Variants in PHF21B observed in about 807,000 individuals in gnomAD.
PHF21B encodes PHD finger protein 4.
PHF21B carries 22 observed loss-of-function variants against 62.2 expected under a neutral mutation model. That is an observed-to-expected ratio of 0.35 (90% CI 0.25 to 0.51). The LOEUF (loss-of-function observed/expected upper bound fraction) is 0.51. Among genes scored for constraint, PHF21B ranks in the 20% least tolerant of loss-of-function variants. The pLI is 0.97. For missense variants in PHF21B, 701 were observed against 707.9 expected, an observed-to-expected ratio of 0.99 and a Z score of 0.11; for synonymous variants, 341 against 314.7, an observed-to-expected ratio of 1.08 and a Z score of -0.88.
chr22:44,967,706 T>G (rs1477989282), intron 2 of PHF21B, among the ~76,000 whole-genome samples: 1 of 152,222 alleles, frequency 6.6e-6, no homozygotes, highest in Non-Finnish European at 1.5e-5. Flanking sequence ...GTTTGTTAAC[T>G]GAAGTCCACA....
At chr22:44,913,713 G>T (rs900852068) in intron 5 of PHF21B, 109 bp downstream of exon 5, 1 of 1,420,102 alleles carries the variant, frequency 7.0e-7, no homozygotes, top group East Asian at 2.4e-5. Flanking sequence ...CTGTGCCCAC[G>T]GCTTGTCGGG....
rs145093506 is a variant in PHF21B at position 44,941,732 on chromosome 22, G to A, written c.121-21242C>T. Among the ~76,000 whole-genome samples the A allele has an allele frequency of 3.0e-3, 450 of 152,256 alleles. 3 individuals are homozygous for A. The highest frequency in any genetic ancestry group is 0.01 in the African/African-American group (427 of 41,558). On this transcript the variant is annotated intron_variant, in intron 2 of 12. Coordinates refer to ENST00000313237, the MANE Select transcript of PHF21B (RefSeq NM_138415.5). ...TAGATGCTGGGCAGGGGGATACGGCGGCAGGGCCTTCATTCTGGTCAGGAA... is the reference window on the plus strand; with the variant it reads ...TAGATGCTGGGCAGGGGGATACGGCAGCAGGGCCTTCATTCTGGTCAGGAA...
chr22:44,926,827 G>A (rs1008559633), intron 2 of PHF21B, among the ~76,000 whole-genome samples: 3 of 152,192 alleles, frequency 2.0e-5, no homozygotes, highest in East Asian at 3.9e-4. Flanking sequence ...GTCTGTATCC[G>A]GGTGTTGCCA....
intron 6 of PHF21B, among the ~76,000 whole-genome samples, chr22:44,893,996 G>A (rs535322901): frequency 2.6e-5 from 4 of 152,352 alleles, no homozygotes; most frequent in Admixed American, 6.5e-5. Flanking sequence ...GGAATCCTTC[G>A]CATGCGAGCG....
intron 2 of PHF21B, among the ~76,000 whole-genome samples, chr22:44,947,799 G>A (rs1173351887): frequency 1.3e-5 from 2 of 152,140 alleles, no homozygotes; most frequent in African/African-American, 4.8e-5. Context: ...ATATGTTTCA[G>A]TTTGTCACTT....
At chr22:44,935,659 C>T (rs898036420) in intron 2 of PHF21B, among the ~76,000 whole-genome samples, 2 of 152,020 alleles carry the variant, frequency 1.3e-5, no homozygotes, top group African/African-American at 4.8e-5. Context: ...ACATGGCTCA[C>T]ACCTGGCACC....
intron 2 of PHF21B, among the ~76,000 whole-genome samples, chr22:44,924,485 G>C (rs915096209): frequency 1.2e-4 from 18 of 152,230 alleles, no homozygotes; most frequent in African/African-American, 3.9e-4. Flanking sequence ...CCTCCGGGAG[G>C]TGATCCGGTC....
intron 5 of PHF21B, among the ~76,000 whole-genome samples, chr22:44,896,779 T>C (rs986890634): frequency 9.2e-5 from 14 of 152,188 alleles, no homozygotes; most frequent in Non-Finnish European, 1.9e-4. Context: ...TCCAGTTTTG[T>C]AATGACCTTC....
chr22:44,886,000 C>T (rs2070850903), intron 10 of PHF21B, 62 bp from the exon 11 acceptor site: 1 of 1,523,270 alleles, frequency 6.6e-7, no homozygotes, highest in Non-Finnish European at 9.0e-7. Flanking sequence ...GGACTGTCCA[C>T]ACCCTGGCTG....
At chr22:44,942,444 A>G (rs2071976904) in intron 2 of PHF21B, among the ~76,000 whole-genome samples, 2 of 152,180 alleles carry the variant, frequency 1.3e-5, no homozygotes, top group South Asian at 4.1e-4. Context: ...TCAGTCCCAG[A>G]CTTCATCCCC....
intron 2 of PHF21B, among the ~76,000 whole-genome samples, chr22:44,962,050 G>A (rs2072434661): frequency 6.6e-6 from 1 of 151,772 alleles, no homozygotes; most frequent in Admixed American, 6.6e-5. Flanking sequence ...CTTTGCTATT[G>A]TGAGTAATGC....
At chr22:44,940,763 C>G (rs961263971) in intron 2 of PHF21B, among the ~76,000 whole-genome samples, 2 of 152,178 alleles carry the variant, frequency 1.3e-5, no homozygotes, top group Admixed American at 6.5e-5. Context: ...CTTCCAGAGC[C>G]CCGGTCAGCT....
At chr22:44,953,299 C>T (rs1359156099) in intron 2 of PHF21B, among the ~76,000 whole-genome samples, 3 of 152,130 alleles carry the variant, frequency 2.0e-5, no homozygotes, top group Non-Finnish European at 4.4e-5. Context: ...ACCCATTTGA[C>T]GCATCACACT....
chr22:44,931,640 T>TGG lies in PHF21B; in HGVS notation c.121-11152_121-11151dup, dbSNP rs136690. Among the ~76,000 whole-genome samples the TGG allele has an allele frequency of 5.8e-3, 315 of 54,560 alleles. 3 individuals carry two copies. The highest frequency in any genetic ancestry group is 0.013 in the African/African-American group (280 of 21,406). 35.8% of individuals were successfully genotyped at this position (54,560 alleles called of 152,430 possible). A position where few individuals can be genotyped will look rare whatever the true frequency, so the allele number is the denominator to read the frequency against. On this transcript the variant is annotated intron_variant, in intron 2 of 12. Transcript: ENST00000313237. The stretch of plus-strand genomic sequence containing the variant: ...AACTAAGGATTGGGGGTTGTGATCT[T>TGG]GGGGGGGGGGTGTCAAAAAATGGTT...
chr22:44,924,479 C>T (rs910322073), intron 2 of PHF21B, among the ~76,000 whole-genome samples: 4 of 152,150 alleles, frequency 2.6e-5, no homozygotes, highest in Non-Finnish European at 4.4e-5. Context: ...ATGGGGCCTC[C>T]GGGAGGTGAT....
chr22:44,992,550 G>C (rs1371814689), intron 2 of PHF21B, among the ~76,000 whole-genome samples: 1 of 152,234 alleles, frequency 6.6e-6, no homozygotes, highest in Non-Finnish European at 1.5e-5. Flanking sequence ...GAGCGGAGGC[G>C]AGGTGTGTCT....
In PHF21B at chr22:44,883,194, C is replaced by T; in HGVS notation, c.1488G>A (p.Gln496=). Residue 496 remains glutamine (Q), a synonymous_variant, in exon 13 of 13, where the codon CAG becomes CAA. Coordinates refer to ENST00000313237, the MANE Select transcript of PHF21B (RefSeq NM_138415.5). The part of the protein sequence containing the change: ...LRLIQGEQLL[Q]VTMTTTSPAP... Reference sequence around the variant, plus strand: ...CAGGGCTAGTGGTCGTCATGGTGACCTGGAGCAGCTGCTCGCCCTGTATCA... The same window carrying T: ...CAGGGCTAGTGGTCGTCATGGTGACTTGGAGCAGCTGCTCGCCCTGTATCA... 6.8e-6 allele frequency: 11 copies of T among 1,613,656 alleles called. No homozygotes were observed. The highest frequency in any genetic ancestry group is 9.3e-6 in the Non-Finnish European group (11 of 1,179,974).
chr22:44,887,156 C>CAAAA (rs565346064), intron 10 of PHF21B, among the ~76,000 whole-genome samples: 30 of 64,806 alleles, frequency 4.6e-4, no homozygotes, highest in South Asian at 1.1e-3. Context: ...AACTCCATCT[C>CAAAA]AAAAAAAAAA....
chr22:44,981,569 G>A (rs907423726), intron 2 of PHF21B, among the ~76,000 whole-genome samples: 1 of 152,232 alleles, frequency 6.6e-6, no homozygotes, highest in Non-Finnish European at 1.5e-5. Context: ...CTGCAGATGA[G>A]GAAACCAAGA....
Sources: allele counts gnomAD v4.1 joint callset (sites outside exome capture counted in the v4.1 genomes callset), GRCh38; gene constraint gnomAD v4.1.1; transcripts MANE v1.5; gene names NCBI Gene and HGNC (gene_info 2026-07-23, HGNC 2026-07-21).